PRIM2: variants seen among roughly 807,000 people sequenced by gnomAD.
PRIM2 encodes DNA primase large subunit.
PRIM2 carries 39 observed loss-of-function variants against 67.3 expected under a neutral mutation model. The ratio of observed to expected loss-of-function variants is 0.58; its 90% CI spans 0.45 to 0.76. PRIM2 has a LOEUF of 0.76. Ranked by LOEUF, PRIM2 falls within the 30% of genes least tolerant of loss-of-function variation. The pLI, the probability that PRIM2 is intolerant of heterozygous loss-of-function variation, is 0.00. For missense variants in PRIM2, 398 were observed against 598.7 expected (o/e 0.66, Z 3.50); for synonymous variants, 143 against 198.7 (o/e 0.72, Z 2.36).
In PRIM2 at chr6:57,521,393, T is replaced by TA. The variant is rs1554348912; in HGVS notation, c.762-11016dup. Among the ~76,000 whole-genome samples, 34 of 132,862 alleles carry TA rather than the reference T, an allele frequency of 2.6e-4. No homozygotes were observed. The East Asian group carries it at 4.0e-3, about 16-fold the overall frequency. 87.2% of individuals were successfully genotyped at this position (132,862 alleles called of 152,430 possible). A position where few individuals can be genotyped will look rare whatever the true frequency, so the allele number is the denominator to read the frequency against. On this transcript the variant is annotated intron_variant, in intron 8 of 13. Transcript: ENST00000615550. Reference sequence around the variant, plus strand: ...TTTTTTTTTTTTTTTTTTTTTTTTTTAACACCCTAAGTGGGTAAAATTGTG... The same window carrying TA: ...TTTTTTTTTTTTTTTTTTTTTTTTTTAAACACCCTAAGTGGGTAAAATTGTG...
the PRIM2 span, among the ~76,000 whole-genome samples, chr6:57,230,703 T>C: frequency 4.9e-4 from 75 of 152,360 alleles, no homozygotes; most frequent in Non-Finnish European, 8.4e-4. Flanking sequence ...GTCAGAGGCT[T>C]GCACAGTTTG....
intron 7 of PRIM2, among the ~76,000 whole-genome samples, chr6:57,396,928 T>C (rs1770534776): frequency 6.6e-6 from 1 of 152,332 alleles, no homozygotes; most frequent in African/African-American, 2.4e-5. Flanking sequence ...TATATGATGC[T>C]TAGTTTTTCT....
chr6:57,580,198 G>C (rs1295126361), intron 10 of PRIM2, among the ~76,000 whole-genome samples: 1 of 152,114 alleles, frequency 6.6e-6, no homozygotes, highest in East Asian at 1.9e-4. Flanking sequence ...CTTGAGGCCA[G>C]GAATTTGAGA....
intron 5 of PRIM2, among the ~76,000 whole-genome samples, chr6:57,338,850 G>T (rs1768367101): frequency 6.7e-6 from 1 of 148,920 alleles, no homozygotes; most frequent in African/African-American, 2.5e-5. Flanking sequence ...GGAAGTTCTG[G>T]CCAGGGCAAT....
the PRIM2 span, among the ~76,000 whole-genome samples, chr6:57,261,343 C>A: frequency 3.3e-4 from 50 of 152,072 alleles, no homozygotes; most frequent in African/African-American, 1.1e-3. Context: ...AGAGCTGGGT[C>A]CATAGAAGAG....
intron 13 of PRIM2, among the ~76,000 whole-genome samples, chr6:57,638,576 C>CAAAAAAAAAAAAAA (rs1227220865): frequency 2.8e-4 from 9 of 32,034 alleles, no homozygotes; most frequent in East Asian, 1.4e-3. Flanking sequence ...AAACAGAAAG[C>CAAAAAAAAAAAAAA]AAAAAAAAAA....
chr6:57,301,261 G>A, the PRIM2 span, among the ~76,000 whole-genome samples: 1 of 152,164 alleles, frequency 6.6e-6, no homozygotes, highest in Non-Finnish European at 1.5e-5. Flanking sequence ...GTCACGGCGG[G>A]TAGATCACCT....
chr6:57,507,519 T>G (rs1396738266), intron 8 of PRIM2, 65 bp downstream of exon 8: 1 of 1,448,606 alleles, frequency 6.9e-7, no homozygotes, highest in Admixed American at 2.6e-5. Context: ...ATAAAGTATA[T>G]TAAAGTGGTG....
intron 7 of PRIM2, among the ~76,000 whole-genome samples, chr6:57,421,585 TGTAA>T (rs1771467580): frequency 1.3e-5 from 2 of 152,228 alleles, no homozygotes; most frequent in Admixed American, 6.5e-5. Context: ...AGTTTTCTTT[TGTAA>T]GTATTACAAT....
intron 10 of PRIM2, among the ~76,000 whole-genome samples, chr6:57,553,316 T>G (rs1170650436): frequency 6.6e-6 from 1 of 152,128 alleles, no homozygotes; most frequent in Non-Finnish European, 1.5e-5. Context: ...CATATATAGA[T>G]TAATTCTCTT....
chr6:57,351,148 A>G (rs1768845194), intron 5 of PRIM2, among the ~76,000 whole-genome samples: 2 of 151,918 alleles, frequency 1.3e-5, no homozygotes, highest in African/African-American at 2.4e-5. Flanking sequence ...AGTATCCCTT[A>G]TCTGAAATGC....
intron 7 of PRIM2, among the ~76,000 whole-genome samples, chr6:57,426,429 C>G (rs1451327236): frequency 6.6e-6 from 1 of 152,070 alleles, no homozygotes. Context: ...TATTTAGGAT[C>G]AGTATTCAAG....
chr6:57,439,704 C>T (rs867324872), intron 7 of PRIM2, among the ~76,000 whole-genome samples: 8 of 152,092 alleles, frequency 5.3e-5, no homozygotes, highest in South Asian at 2.1e-4. Context: ...CCTGAGCCAC[C>T]GTGCCTGGCC....
chr6:57,372,433 G>A (rs1026584770), intron 5 of PRIM2, among the ~76,000 whole-genome samples: 21 of 152,276 alleles, frequency 1.4e-4, no homozygotes, highest in African/African-American at 5.1e-4. Flanking sequence ...GATAGTATAA[G>A]TAAAATAGCA....
chr6:57,557,128 A>G (rs1199540237), intron 10 of PRIM2, among the ~76,000 whole-genome samples: 1 of 133,836 alleles, frequency 7.5e-6, no homozygotes, highest in Non-Finnish European at 1.6e-5. Flanking sequence ...AAAATAATAG[A>G]TGCTGGTGAG....
chr6:57,256,714 T>TCACACACACA, the PRIM2 span, among the ~76,000 whole-genome samples: 231 of 134,476 alleles, frequency 1.7e-3, 2 homozygotes, highest in East Asian at 0.016. Flanking sequence ...TCTCTCACTT[T>TCACACACACA]CACACACACA....
At chr6:57,457,571 G>A (rs753193505) in intron 7 of PRIM2, among the ~76,000 whole-genome samples, 10 of 152,164 alleles carry the variant, frequency 6.6e-5, no homozygotes, top group African/African-American at 2.4e-4. Context: ...CTCTGTGGGT[G>A]TAGGACCCCC....
intron 7 of PRIM2, among the ~76,000 whole-genome samples, chr6:57,467,238 T>C (rs1449298437): frequency 3.2e-4 from 49 of 151,830 alleles, no homozygotes; most frequent in African/African-American, 1.2e-3. Context: ...TAGGTTTTCT[T>C]CTAGGGTTTT....
Position 57,402,296 on chromosome 6 carries a change from A to C in PRIM2, c.693+20128A>C, listed in dbSNP as rs1770739549. ...ATGGACCTGTTGCTTGCCCAAACAC[A>C]CCTGTAGTTGGTGGCTGGAGACCCC... is the stretch of plus-strand genomic sequence containing the variant. On this transcript the variant is annotated intron_variant, in intron 7 of 13. Transcript: ENST00000615550. Among the ~76,000 whole-genome samples the C allele has an allele frequency of 1.3e-5, 2 of 151,790 alleles. 1 individual carries two copies. The highest frequency in any genetic ancestry group is 4.2e-4 in the South Asian group (2 of 4,792).
Sources: allele counts gnomAD v4.1 joint callset (sites outside exome capture counted in the v4.1 genomes callset), GRCh38; gene constraint gnomAD v4.1.1; transcripts MANE v1.5; gene names NCBI Gene and HGNC (gene_info 2026-07-23, HGNC 2026-07-21).